Variants in NKD1 observed in about 807,000 individuals in gnomAD.
NKD1 encodes the protein NKD inhibitor of Wnt signaling pathway 1, also known as protein naked cuticle homolog 1.
Under a neutral mutation model 56.0 loss-of-function variants are expected in NKD1, and 21 were observed. That is an observed-to-expected ratio of 0.38 (90% CI 0.27 to 0.54). The LOEUF is 0.54. Among genes scored for constraint, NKD1 ranks in the 20% least tolerant of loss-of-function variants. The pLI, the probability that NKD1 is intolerant of heterozygous loss-of-function variation, is 0.82. For synonymous variants in NKD1, 263 were observed against 265.7 expected (o/e 0.99, Z 0.10); for missense variants, 578 against 642.7 (o/e 0.90, Z 1.09).
chr16:50,560,043 G>C (rs1960590097), intron 3 of NKD1, among the ~76,000 whole-genome samples: 1 of 152,224 alleles, frequency 6.6e-6, no homozygotes, highest in South Asian at 2.1e-4. Context: ...CCCATTCCAT[G>C]CCTGGTTTCC....
rs906424644 is a variant in NKD1 at position 50,632,031 on chromosome 16, C to T, written c.696-250C>T. ...TTTGAACCTGTTCAGAGCAAAACCC[C>T]GTCCACTCCTCCCAGAAGCTGCGGG... is the stretch of plus-strand genomic sequence containing the variant. On this transcript the variant is annotated intron_variant, in intron 8 of 9. Coordinates refer to ENST00000268459, the MANE Select transcript of NKD1 (RefSeq NM_033119.5). This position sits in a 1 kb window ranked among gnomAD's most constrained non-coding sequence, Gnocchi z 4.1. 5.3e-5 allele frequency among the ~76,000 whole-genome samples: 8 copies of T among 152,336 alleles called. No homozygotes were observed. In the East Asian group the frequency reaches 7.7e-4, roughly 15 times the overall value.
intron 4 of NKD1, among the ~76,000 whole-genome samples, chr16:50,615,505 C>T (rs1961940340): frequency 6.6e-6 from 1 of 152,136 alleles, no homozygotes; most frequent in Non-Finnish European, 1.5e-5. Flanking sequence ...AACTGAAGAC[C>T]TGAAGGATGA....
rs1172419596 is a variant in NKD1, at chr16:50,612,839, G to A, written c.259+4479G>A. 3.3e-5 allele frequency among the ~76,000 whole-genome samples: 5 copies of A among 152,218 alleles called. 1 individual carries two copies. In the South Asian group the frequency reaches 8.3e-4, roughly 25 times the overall value. On this transcript the variant is annotated intron_variant, in intron 4 of 9. Coordinates refer to ENST00000268459, the MANE Select transcript of NKD1 (RefSeq NM_033119.5). ...TTAGGTTGCGTGGTTCTGCCCAGATGGTTGGGTGGGTGACTGCTGGATTCT... is the reference window on the plus strand; with the variant it reads ...TTAGGTTGCGTGGTTCTGCCCAGATAGTTGGGTGGGTGACTGCTGGATTCT...
chr16:50,555,026 T>C (rs924231965), intron 3 of NKD1, among the ~76,000 whole-genome samples: 4 of 152,084 alleles, frequency 2.6e-5, no homozygotes, highest in African/African-American at 9.7e-5. Flanking sequence ...TCCAGTCTGA[T>C]GAAGGGGACA....
intron 4 of NKD1, 75 bp downstream of exon 4, chr16:50,608,435 G>T: frequency 9.6e-7 from 1 of 1,039,376 alleles, no homozygotes; most frequent in South Asian, 1.3e-5. Flanking sequence ...CGTGTGCCCT[G>T]TGTACTCCAG....
intron 5 of NKD1, among the ~76,000 whole-genome samples, chr16:50,622,069 C>T (rs918462920): frequency 1.3e-5 from 2 of 152,196 alleles, no homozygotes; most frequent in Non-Finnish European, 2.9e-5. Flanking sequence ...ACTCTTGAGG[C>T]TGTTCTGGGG....
Position 50,632,476 on chromosome 16 carries a change from G to T in NKD1, c.823+68G>T. ...CGTGGCTGGACGGGCCAGGCGGGCC[G>T]TGCGGGTGGTGTTCACTGCTACCCC... On this transcript the variant is annotated intron_variant, in intron 9 of 9. Coordinates refer to ENST00000268459, the MANE Select transcript of NKD1 (RefSeq NM_033119.5). The surrounding 1 kb of genome is among the most constrained non-coding windows in gnomAD (Gnocchi z 4.1). 6.5e-7 allele frequency: 1 copy of T among 1,543,142 alleles called. No homozygotes were observed. The highest frequency in any genetic ancestry group is 8.9e-7 in the Non-Finnish European group (1 of 1,119,930).
chr16:50,621,451 ATGT>A (rs1396625488), intron 4 of NKD1, 148 bp from the exon 5 acceptor site: 2 of 583,802 alleles, frequency 3.4e-6, no homozygotes, highest in African/African-American at 3.8e-5. Context: ...GAGTAGTGTG[ATGT>A]TGACCCCAGC....
chr16:50,632,043 C>T lies in NKD1; in HGVS notation c.696-238C>T, dbSNP rs910352076. The stretch of plus-strand genomic sequence containing the variant: ...CAGAGCAAAACCCCGTCCACTCCTC[C>T]CAGAAGCTGCGGGGAGGTCGGGCTG... On this transcript the variant is annotated intron_variant, in intron 8 of 9. Transcript: ENST00000268459. The surrounding 1 kb of genome is among the most constrained non-coding windows in gnomAD (Gnocchi z 4.1). Among the ~76,000 whole-genome samples the T allele has an allele frequency of 6.6e-6, 1 of 152,244 alleles. No homozygotes were observed. The highest frequency in any genetic ancestry group is 1.5e-5 in the Non-Finnish European group (1 of 68,042).
At chr16:50,565,454 G>A (rs536862648) in intron 3 of NKD1, among the ~76,000 whole-genome samples, 2 of 152,262 alleles carry the variant, frequency 1.3e-5, no homozygotes, top group African/African-American at 4.8e-5. Flanking sequence ...CAGAGTGGGA[G>A]GATTGCTTGA....
At chr16:50,576,102 C>A (rs967413346) in intron 3 of NKD1, among the ~76,000 whole-genome samples, 1 of 152,214 alleles carries the variant, frequency 6.6e-6, no homozygotes, top group Non-Finnish European at 1.5e-5. Flanking sequence ...TCTGAGTTCC[C>A]AGAATTGATT....
chr16:50,633,249 G>T lies in NKD1; in HGVS notation c.881G>T (p.Arg294Leu). Residue 294 changes from arginine to leucine, a missense_variant, in exon 10 of 10, where the codon CGA becomes CTA. Coordinates refer to ENST00000268459, the MANE Select transcript of NKD1 (RefSeq NM_033119.5). This position sits in a 1 kb window ranked among gnomAD's most constrained non-coding sequence, Gnocchi z 4.9. ...ELPPRTSNPT[R>L]SRSHEPEAIH... ...CCCCCCCGCACCTCCAATCCCACTCGATCTCGCTCCCATGAGCCGGAAGCC... is the reference window on the plus strand; with the variant it reads ...CCCCCCCGCACCTCCAATCCCACTCTATCTCGCTCCCATGAGCCGGAAGCC... 1.2e-6 allele frequency: 2 copies of T among 1,613,796 alleles called. No homozygotes were observed. Among genetic ancestry groups the T allele is most frequent in the South Asian group, 1.1e-5 (1 of 91,062 alleles).
In NKD1 at chr16:50,628,956, C is replaced by CTTT. The variant is rs5816708; in HGVS notation, c.463-1216_463-1214dup. On this transcript the variant is annotated intron_variant, in intron 6 of 9. Transcript: ENST00000268459. The stretch of plus-strand genomic sequence containing the variant: ...GAGAGACCTCTTCTAGTGTCTCTTC[C>CTTT]TTTTTTTTTTTTTTTTATTTTAAAC... Among the ~76,000 whole-genome samples, 72 of 137,498 alleles carry CTTT rather than the reference C, an allele frequency of 5.2e-4. 1 individual carries two copies. Among genetic ancestry groups the CTTT allele is most frequent in the African/African-American group, 1.9e-3 (68 of 36,750 alleles). 90.2% of individuals were successfully genotyped at this position (137,498 alleles called of 152,430 possible).
intron 3 of NKD1, among the ~76,000 whole-genome samples, chr16:50,597,828 C>A (rs1020691900): frequency 6.6e-6 from 1 of 152,182 alleles, no homozygotes; most frequent in African/African-American, 2.4e-5. Context: ...TCGATCACAG[C>A]CCTGGCAGCA....
intron 3 of NKD1, among the ~76,000 whole-genome samples, chr16:50,575,536 T>A (rs1960975956): frequency 6.6e-6 from 1 of 152,222 alleles, no homozygotes; most frequent in Non-Finnish European, 1.5e-5. Context: ...TTCCCCGGGC[T>A]GTGGGGACGG....
At chr16:50,571,871 T>A (rs369841873) in intron 3 of NKD1, among the ~76,000 whole-genome samples, 1 of 152,164 alleles carries the variant, frequency 6.6e-6, no homozygotes, top group African/African-American at 2.4e-5. Flanking sequence ...GAGGAACATC[T>A]AAATTCCTTC....
chr16:50,614,936 C>G (rs939790472), intron 4 of NKD1, among the ~76,000 whole-genome samples: 2 of 152,164 alleles, frequency 1.3e-5, no homozygotes, highest in African/African-American at 4.8e-5. Flanking sequence ...TCATTAGCTT[C>G]TTCATAAACT....
Position 50,632,341 on chromosome 16 carries a change from C to T in NKD1, c.756C>T (p.Asn252=), listed in dbSNP as rs770933008. 4 of 1,614,096 alleles carry T rather than the reference C, an allele frequency of 2.5e-6. No individual in the cohort carries two copies. The highest frequency in any genetic ancestry group is 3.3e-5 in the Admixed American group (2 of 60,028). Reference sequence around the variant, plus strand: ...GCTACCACCATTGCGTAGATGAGAACATCGAGAGGAGAAACCACTACTTAG... The same window carrying T: ...GCTACCACCATTGCGTAGATGAGAATATCGAGAGGAGAAACCACTACTTAG... ...SGCYHHCVDE[N]IERRNHYLDL... is the part of the protein sequence containing the mutation. Residue 252 remains asparagine (N), a synonymous_variant, in exon 9 of 10, where the codon AAC becomes AAT. Coordinates refer to ENST00000268459, the MANE Select transcript of NKD1 (RefSeq NM_033119.5). This position sits in a 1 kb window ranked among gnomAD's most constrained non-coding sequence, Gnocchi z 4.1.
rs1437897239 is a variant in NKD1 at position 50,638,529 on chromosome 16, T to TTTA, written c.*4748_*4749insTTA. On this transcript the variant is annotated 3_prime_UTR_variant, in exon 10 of 10. Coordinates refer to ENST00000268459, the MANE Select transcript of NKD1 (RefSeq NM_033119.5). Reference sequence around the variant, plus strand: ...CAGATGTTTCAGCCACACGCTTTATTAACTTCTAAAACCTGTGCTCAGGAC... The same window carrying TTTA: ...CAGATGTTTCAGCCACACGCTTTATTTTAAACTTCTAAAACCTGTGCTCAGGAC... The TTTA allele has an allele frequency of 6.6e-6, 1 of 152,256 alleles. No individual in the cohort carries two copies. Among genetic ancestry groups the TTTA allele is most frequent in the East Asian group, 1.9e-4 (1 of 5,200 alleles). The allele number at this position is 152,256 out of a possible 1,614,324, so 9.4% of individuals were successfully genotyped here.
Sources: allele counts gnomAD v4.1 joint callset (sites outside exome capture counted in the v4.1 genomes callset), GRCh38; gene constraint gnomAD v4.1.1; non-coding constraint Gnocchi (gnomAD v3.1); transcripts MANE v1.5; gene names NCBI Gene and HGNC (gene_info 2026-07-23, HGNC 2026-07-21).